The following RBFOX2 variants were observed in gnomAD, a reference collection of about 807,000 sequenced individuals.
RBFOX2 encodes the protein RNA binding fox-1 homolog 2.
In RBFOX2, 10 loss-of-function variants were observed where a neutral mutation model predicts 49.1. That is an observed-to-expected ratio of 0.20 (90% CI 0.13 to 0.35). The LOEUF (loss-of-function observed/expected upper bound fraction) is 0.35. Ranked by LOEUF, RBFOX2 falls within the 10% of genes least tolerant of loss-of-function variation. The probability of loss-of-function intolerance (pLI) is 1.00; values close to 1 mark genes in which losing one functional copy is unlikely to be tolerated. For synonymous variants in RBFOX2, 183 were observed against 187.4 expected, an observed-to-expected ratio of 0.98 and a Z score of 0.19; for missense variants, 323 against 486.9, an observed-to-expected ratio of 0.66 and a Z score of 3.17.
chr22:35,906,023 G>A (rs2149479994), intron 1 of RBFOX2, among the ~76,000 whole-genome samples: 1 of 152,162 alleles, frequency 6.6e-6, no homozygotes, highest in Middle Eastern at 3.4e-3. Context: ...TATATAGTCA[G>A]GTATATATCT....
chr22:35,812,720 T>TA (rs1028167105), intron 1 of RBFOX2, among the ~76,000 whole-genome samples: 5 of 152,174 alleles, frequency 3.3e-5, no homozygotes, highest in Non-Finnish European at 5.9e-5. Flanking sequence ...AGCTAAAAGA[T>TA]AGAGTTTTCA....
At chr22:35,898,358 G>C in intron 1 of RBFOX2, 2 of 644,276 alleles carry the variant, frequency 3.1e-6, no homozygotes, top group Non-Finnish European at 5.8e-6. Flanking sequence ...GGCAGAATGT[G>C]ACATTGGCAG....
At chr22:35,799,608 A>G (rs868178064) in intron 2 of RBFOX2, among the ~76,000 whole-genome samples, 14 of 152,304 alleles carry the variant, frequency 9.2e-5, no homozygotes, top group South Asian at 8.3e-4. Context: ...AGCAACAAAC[A>G]GTACAAATAG....
chr22:35,832,436 A>G (rs1280620471), intron 1 of RBFOX2, among the ~76,000 whole-genome samples: 1 of 152,200 alleles, frequency 6.6e-6, no homozygotes, highest in African/African-American at 2.4e-5. Flanking sequence ...ACTTATAACA[A>G]AGATATGATA....
intron 1 of RBFOX2, among the ~76,000 whole-genome samples, chr22:35,857,510 T>C (rs1266772548): frequency 1.3e-5 from 2 of 152,066 alleles, no homozygotes; most frequent in African/African-American, 4.8e-5. Context: ...TACAGACAAA[T>C]CTGAAGCATA....
intron 1 of RBFOX2, among the ~76,000 whole-genome samples, chr22:35,986,200 GAC>G (rs900880266): frequency 1.3e-5 from 2 of 152,126 alleles, no homozygotes; most frequent in African/African-American, 4.8e-5. Flanking sequence ...TGCACACACA[GAC>G]ACAGACACCC....
chr22:36,006,964 A>G (rs535527170), intron 1 of RBFOX2, among the ~76,000 whole-genome samples: 120 of 152,214 alleles, frequency 7.9e-4, no homozygotes, highest in Middle Eastern at 3.4e-3. Flanking sequence ...CCATTTGTTC[A>G]TAAAATTCCA....
intron 1 of RBFOX2, among the ~76,000 whole-genome samples, chr22:35,907,709 G>A (rs867573295): frequency 6.6e-6 from 1 of 151,884 alleles, no homozygotes; most frequent in Non-Finnish European, 1.5e-5. Context: ...ATGCAGTGGC[G>A]TGACTCCAGC....
At chr22:35,784,880 C>T (rs1194216121) in intron 2 of RBFOX2, among the ~76,000 whole-genome samples, 2 of 152,218 alleles carry the variant, frequency 1.3e-5, no homozygotes, top group African/African-American at 4.8e-5. Context: ...GCTCCTAGGC[C>T]AGGGCGGTGG....
rs750727282 is a variant in RBFOX2, at chr22:35,746,984, A to T, written c.888-423T>A. On this transcript the variant is annotated intron_variant, in intron 9 of 11. Coordinates refer to ENST00000405409, the Ensembl canonical transcript of RBFOX2. ...TGAAATCTGTATGTGTTGACTTCAG[A>T]TTCTCTAACGTGTTCTTGGATTGAT... is the stretch of plus-strand genomic sequence containing the variant. The T allele has an allele frequency of 5.1e-4, 78 of 153,948 alleles. 1 individual carries two copies. Among genetic ancestry groups the T allele is most frequent in the Middle Eastern group, 3.4e-3 (1 of 298 alleles). The allele number at this position is 153,948 out of a possible 1,614,324, so 9.5% of individuals were successfully genotyped here.
intron 3 of RBFOX2, among the ~76,000 whole-genome samples, chr22:35,780,946 C>A (rs550282130): frequency 3.3e-5 from 5 of 152,090 alleles, no homozygotes; most frequent in Non-Finnish European, 7.4e-5. Context: ...AACCTAGTTT[C>A]TTTGGTCTTG....
chr22:36,011,271 C>T (rs2058811115), intron 1 of RBFOX2, among the ~76,000 whole-genome samples: 1 of 152,114 alleles, frequency 6.6e-6, no homozygotes, highest in Non-Finnish European at 1.5e-5. Context: ...ACTCAGACAT[C>T]TCTAAAAGGT....
chr22:35,910,216 A>G (rs2049635406), intron 1 of RBFOX2, among the ~76,000 whole-genome samples: 1 of 152,352 alleles, frequency 6.6e-6, no homozygotes, highest in African/African-American at 2.4e-5. Flanking sequence ...CACACATTGT[A>G]CGTGAGTCAT....
chr22:35,775,841 CAAAAAAA>C (rs753116056), intron 4 of RBFOX2, among the ~76,000 whole-genome samples: 7 of 56,178 alleles, frequency 1.2e-4, no homozygotes, highest in African/African-American at 2.1e-4. Context: ...GAATCTGCCT[CAAAAAAA>C]AAAAAAAAAA....
chr22:35,836,306 A>T (rs1957647747), intron 1 of RBFOX2: 2 of 152,308 alleles, frequency 1.3e-5, no homozygotes, highest in Non-Finnish European at 2.9e-5. Flanking sequence ...AAAATGAAAC[A>T]AAGCAAAACA....
chr22:35,943,669 T>TGGGTG (rs2053942959), upstream of RBFOX2, among the ~76,000 whole-genome samples: 1 of 151,900 alleles, frequency 6.6e-6, no homozygotes, highest in Non-Finnish European at 1.5e-5. Flanking sequence ...GAGGCTGAGG[T>TGGGTG]GGGTGGATCA....
At chr22:35,743,381 G>A (rs1196124706) in exon 12 of RBFOX2, 1 of 152,174 alleles carries the variant, frequency 6.6e-6, no homozygotes, top group Non-Finnish European at 1.5e-5. Flanking sequence ...AATTAAAGGA[G>A]AAGAAGCCTA....
At chr22:35,947,257 T>C (rs569551716) in intron 1 of RBFOX2, among the ~76,000 whole-genome samples, 25 of 152,208 alleles carry the variant, frequency 1.6e-4, no homozygotes, top group South Asian at 6.2e-4. Context: ...ATAACTGTCA[T>C]GGCACAAAAC....
intron 1 of RBFOX2, chr22:35,998,694 T>C (rs958259786): frequency 5.9e-5 from 9 of 152,112 alleles, no homozygotes; most frequent in African/African-American, 2.2e-4. Flanking sequence ...TTATATTTCA[T>C]ATAAAATGAG....
Sources: gnomAD v4.1 joint callset for allele counts (sites outside exome capture counted in the v4.1 genomes callset) on GRCh38, gnomAD v4.1.1 for gene constraint, MANE v1.5 for transcripts, NCBI Gene and HGNC (gene_info 2026-07-23, HGNC 2026-07-21) for gene names.